Variants in RPS6KC1 observed in about 807,000 individuals in gnomAD.
The protein encoded by RPS6KC1 is inactive ribosomal protein S6 kinase delta-1.
In RPS6KC1, 54 loss-of-function variants were observed where a neutral mutation model predicts 103.8. That is an observed-to-expected ratio of 0.52 (90% CI 0.42 to 0.65). RPS6KC1 has a LOEUF of 0.65. Ranked by LOEUF, RPS6KC1 falls within the 30% of genes least tolerant of loss-of-function variation. RPS6KC1 has a pLI of 0.00. For synonymous variants in RPS6KC1, 439 were observed against 438.7 expected (o/e 1.00, Z -0.01); for missense variants, 1,151 against 1,253.8 (o/e 0.92, Z 1.24).
chr1:213,591,989 A>G, the RPS6KC1 span, among the ~76,000 whole-genome samples: 11 of 152,266 alleles, frequency 7.2e-5, 1 homozygote, highest in South Asian at 2.1e-3. Flanking sequence ...AGCTTAGACA[A>G]TTTCCAAAGG....
chr1:213,094,346 A>G (rs916272435), intron 3 of RPS6KC1, among the ~76,000 whole-genome samples: 5 of 151,384 alleles, frequency 3.3e-5, no homozygotes, highest in Admixed American at 6.6e-5. Flanking sequence ...TAGGCAGTCC[A>G]TCTTCAGATT....
chr1:213,664,165 G>A, the RPS6KC1 span, among the ~76,000 whole-genome samples: 2 of 145,464 alleles, frequency 1.4e-5, no homozygotes, highest in African/African-American at 5.0e-5. Context: ...GGGAGAGGCA[G>A]GGGAGGAGAA....
At chr1:213,598,751 C>T in the RPS6KC1 span, among the ~76,000 whole-genome samples, 3 of 152,044 alleles carry the variant, frequency 2.0e-5, no homozygotes, top group African/African-American at 7.2e-5. Context: ...AACCCCGTCT[C>T]TACTAAAAAT....
chr1:213,280,525 G>A, the RPS6KC1 span, among the ~76,000 whole-genome samples: 23 of 152,334 alleles, frequency 1.5e-4, no homozygotes, highest in South Asian at 4.8e-3. Context: ...GTTCTCATTG[G>A]ATTCTGACCT....
chr1:213,835,027 T>C, the RPS6KC1 span, among the ~76,000 whole-genome samples: 1 of 152,078 alleles, frequency 6.6e-6, no homozygotes, highest in Non-Finnish European at 1.5e-5. Context: ...AAAAAGTAGA[T>C]GATGGGTGGT....
At chr1:213,681,902 A>G in the RPS6KC1 span, among the ~76,000 whole-genome samples, 1 of 152,188 alleles carries the variant, frequency 6.6e-6, no homozygotes, top group African/African-American at 2.4e-5. Context: ...TCAACACAAG[A>G]GTCTCACTCT....
At chr1:213,535,335 G>A in the RPS6KC1 span, among the ~76,000 whole-genome samples, 1 of 152,204 alleles carries the variant, frequency 6.6e-6, no homozygotes, top group Non-Finnish European at 1.5e-5. Context: ...AATACGTTTG[G>A]TGTTGAGTTT....
the RPS6KC1 span, among the ~76,000 whole-genome samples, chr1:213,814,009 C>T: frequency 6.6e-6 from 1 of 152,232 alleles, no homozygotes; most frequent in Non-Finnish European, 1.5e-5. Context: ...ATTGCTAAAA[C>T]TCACACAGAG....
the RPS6KC1 span, among the ~76,000 whole-genome samples, chr1:213,413,632 C>T: frequency 6.6e-6 from 1 of 152,172 alleles, no homozygotes; most frequent in Non-Finnish European, 1.5e-5. Context: ...ACTTGAGTAT[C>T]CTTATAACAT....
At chr1:213,579,108 C>A in the RPS6KC1 span, among the ~76,000 whole-genome samples, 1 of 152,018 alleles carries the variant, frequency 6.6e-6, no homozygotes, top group Non-Finnish European at 1.5e-5. Context: ...CTCACATGAT[C>A]TGATGGTTTT....
At chr1:213,688,392 C>A in the RPS6KC1 span, among the ~76,000 whole-genome samples, 5 of 152,142 alleles carry the variant, frequency 3.3e-5, no homozygotes, top group African/African-American at 4.8e-5. Flanking sequence ...CAGTCTCCAC[C>A]CTCCTTGAAC....
chr1:213,469,771 C>A, the RPS6KC1 span, among the ~76,000 whole-genome samples: 1 of 152,142 alleles, frequency 6.6e-6, no homozygotes, highest in African/African-American at 2.4e-5. Context: ...AACAATTTGT[C>A]TTTGGGAGGC....
chr1:213,314,004 C>A, the RPS6KC1 span, among the ~76,000 whole-genome samples: 1 of 152,108 alleles, frequency 6.6e-6, no homozygotes, highest in Admixed American at 6.6e-5. Flanking sequence ...GTTCTGGAGG[C>A]TACGAGTTCA....
chr1:213,079,633 G>A (rs1435514188), intron 3 of RPS6KC1, among the ~76,000 whole-genome samples: 1 of 151,944 alleles, frequency 6.6e-6, no homozygotes, highest in African/African-American at 2.4e-5. Flanking sequence ...TCCCAGGCTG[G>A]TCTTGAACTC....
the RPS6KC1 span, among the ~76,000 whole-genome samples, chr1:213,362,415 C>G: frequency 2.6e-5 from 4 of 152,266 alleles, no homozygotes; most frequent in East Asian, 7.7e-4. Context: ...CCGATTTACT[C>G]TTATATCTCA....
At chr1:213,459,200 G>A in the RPS6KC1 span, among the ~76,000 whole-genome samples, 3 of 152,032 alleles carry the variant, frequency 2.0e-5, no homozygotes, top group Non-Finnish European at 4.4e-5. Flanking sequence ...CTGTTTGTAC[G>A]TCTGGTAGAA....
the RPS6KC1 span, among the ~76,000 whole-genome samples, chr1:213,374,984 CACACACATAT>C: frequency 6.6e-6 from 1 of 152,194 alleles, no homozygotes; most frequent in East Asian, 1.9e-4. Flanking sequence ...TATTACTACA[CACACACATAT>C]ACACACATAC....
At chr1:213,701,540 C>G in the RPS6KC1 span, among the ~76,000 whole-genome samples, 1 of 151,922 alleles carries the variant, frequency 6.6e-6, no homozygotes. Context: ...GCCAACAGAT[C>G]CTGGGCTTTT....
intron 7 of RPS6KC1, among the ~76,000 whole-genome samples, chr1:213,173,202 A>C (rs896338008): frequency 3.9e-5 from 6 of 152,232 alleles, no homozygotes; most frequent in African/African-American, 1.4e-4. Context: ...CAATTTAAGC[A>C]CTACATATGA....
Sources: gnomAD v4.1 joint callset for allele counts (sites outside exome capture counted in the v4.1 genomes callset) on GRCh38, gnomAD v4.1.1 for gene constraint, MANE v1.5 for transcripts, NCBI Gene and HGNC (gene_info 2026-07-23, HGNC 2026-07-21) for gene names.